The following MCFD2 variants were observed in gnomAD, a reference collection of about 807,000 sequenced individuals.
MCFD2 encodes multiple coagulation factor deficiency protein 2.
MCFD2 carries 11 observed loss-of-function variants against 12.8 expected under a neutral mutation model. The observed-to-expected ratio is 0.86, with a 90% CI of 0.54 to 1.42. The LOEUF is 1.42. Among genes scored for constraint, MCFD2 ranks in the 40% most tolerant of loss-of-function variants. MCFD2 has a pLI of 0.00. For synonymous variants in MCFD2, 70 were observed against 68.1 expected (o/e 1.03, Z -0.14); for missense variants, 191 against 178.6 (o/e 1.07, Z -0.40).
intron 1 of MCFD2, among the ~76,000 whole-genome samples, chr2:46,915,460 C>G (rs1398675726): frequency 6.6e-6 from 1 of 152,152 alleles, no homozygotes; most frequent in African/African-American, 2.4e-5. Context: ...TCCCACAGGC[C>G]GATCCTCGGG....
At chr2:46,917,426 A>T, upstream of MCFD2, 1 of 561,132 alleles carries the variant, frequency 1.8e-6, no homozygotes, top group Non-Finnish European at 3.1e-6. Context: ...CCATCTCTTC[A>T]TCCATTCATC....
upstream of MCFD2, among the ~76,000 whole-genome samples, chr2:46,919,983 A>G (rs1669015329): frequency 6.6e-6 from 1 of 152,186 alleles, no homozygotes; most frequent in African/African-American, 2.4e-5. Flanking sequence ...TGTGGTGTTA[A>G]AAGCTTGGAA....
At chr2:46,935,648 C>G (rs1228821136) in intron 1 of MCFD2, among the ~76,000 whole-genome samples, 4 of 152,192 alleles carry the variant, frequency 2.6e-5, no homozygotes, top group African/African-American at 9.7e-5. Flanking sequence ...AGTGATCCAA[C>G]TGAGACCTCC....
At chr2:46,911,976 T>G (rs1216674258) in intron 1 of MCFD2, among the ~76,000 whole-genome samples, 1 of 152,192 alleles carries the variant, frequency 6.6e-6, no homozygotes, top group East Asian at 1.9e-4. Flanking sequence ...TTCCGGTTAA[T>G]TCTTATCTCC....
Position 46,909,129 on chromosome 2 carries a change from G to T in MCFD2, c.43C>A (p.Leu15Met). 4 of 1,614,216 alleles carry T rather than the reference G, an allele frequency of 2.5e-6. No individual in the cohort carries two copies. Among genetic ancestry groups the T allele is most frequent in the Non-Finnish European group, 2.5e-6 (3 of 1,180,036 alleles). ...SLLRTPFLCGLLWAFCAPGAR... is the reference protein window; with the variant it reads ...SLLRTPFLCGMLWAFCAPGAR... The stretch of plus-strand genomic sequence containing the variant: ...CCTGGGGCACAAAAGGCCCAGAGCA[G>T]GCCACACAGGAAGGGGGTTCTGAGC... Residue 15 changes from leucine (L) to methionine (M), a missense_variant, in exon 2 of 4, where the codon CTG (leucine) becomes ATG (methionine). Coordinates refer to ENST00000319466, the MANE Select transcript of MCFD2 (RefSeq NM_139279.6).
chr2:46,908,620 G>C lies in MCFD2; in HGVS notation c.149+403C>G, dbSNP rs1396060096. 3.2e-6 allele frequency: 1 copy of C among 313,340 alleles called. No homozygotes were observed. Among genetic ancestry groups the C allele is most frequent in the African/African-American group, 2.2e-5 (1 of 45,954 alleles). The allele number at this position is 313,340 out of a possible 1,614,324, so 19.4% of individuals were successfully genotyped here. On this transcript the variant is annotated intron_variant, in intron 2 of 3. Transcript: ENST00000319466. This position sits in a 1 kb window ranked among gnomAD's most constrained non-coding sequence, Gnocchi z 4.5. ...TGAGGCTAACTGGCCCAAGACAAAA[G>C]CTGCAACAAATGATTCAATGTTTGA...
At chr2:46,934,704 C>T (rs1285786113) in intron 1 of MCFD2, among the ~76,000 whole-genome samples, 1 of 148,568 alleles carries the variant, frequency 6.7e-6, no homozygotes, top group East Asian at 2.0e-4. Context: ...AACAAACAAA[C>T]AAAAAAACCC....
At position 46,907,872 on chromosome 2, in the gene MCFD2, C is replaced by T; in HGVS notation, c.247G>A (p.Asp83Asn). Reference protein sequence around the residue: ...QLHYFKMHDYDGNNLLDGLEL... With the variant: ...QLHYFKMHDYNGNNLLDGLEL... ...AAGCCATCAAGCAAATTATTGCCAT[C>T]ATAATCATGCATTTTGAAGTAATGG... Residue 83 changes from aspartate to asparagine, a missense_variant, in exon 3 of 4, where the codon GAT (aspartate) becomes AAT (asparagine). By Grantham distance (23) the Asp-to-Asn change is conservative. Transcript: ENST00000319466. The surrounding 1 kb of genome is among the most constrained non-coding windows in gnomAD (Gnocchi z 4.1). The T allele has an allele frequency of 6.2e-7, 1 of 1,614,198 alleles. No homozygotes were observed. Among genetic ancestry groups the T allele is most frequent in the Non-Finnish European group, 8.5e-7 (1 of 1,180,030 alleles).
intron 1 of MCFD2, among the ~76,000 whole-genome samples, chr2:46,911,712 G>A (rs1328949276): frequency 6.6e-6 from 1 of 151,010 alleles, no homozygotes; most frequent in East Asian, 2.0e-4. Flanking sequence ...ACGAGGTCAG[G>A]AGATCGAGAC....
chr2:46,932,332 A>G (rs1669748178), intron 1 of MCFD2, among the ~76,000 whole-genome samples: 1 of 152,110 alleles, frequency 6.6e-6, no homozygotes, highest in African/African-American at 2.4e-5. Context: ...TATTTTTAGT[A>G]GAGATGGGGT....
upstream of MCFD2, among the ~76,000 whole-genome samples, chr2:46,919,286 G>A (rs1217465846): frequency 6.6e-6 from 1 of 152,238 alleles, no homozygotes; most frequent in African/African-American, 2.4e-5. Context: ...TGTAATCCCA[G>A]CACTTTGGGA....
chr2:46,938,561 C>T (rs946394074), intron 1 of MCFD2, among the ~76,000 whole-genome samples: 1 of 152,116 alleles, frequency 6.6e-6, no homozygotes, highest in African/African-American at 2.4e-5. Context: ...TTTTTTCCTT[C>T]TAGTCCCTGA....
intron 1 of MCFD2, among the ~76,000 whole-genome samples, chr2:46,935,001 A>C (rs1157177005): frequency 6.6e-6 from 1 of 151,564 alleles, no homozygotes; most frequent in African/African-American, 2.4e-5. Context: ...GGGTTTCATC[A>C]TGTTGGCCAG....
rs540965029 is a variant in MCFD2 at position 46,908,050 on chromosome 2, G to T, written c.150-81C>A. On this transcript the variant is annotated intron_variant, in intron 2 of 3. Coordinates refer to ENST00000319466, the MANE Select transcript of MCFD2 (RefSeq NM_139279.6). The surrounding 1 kb of genome is among the most constrained non-coding windows in gnomAD (Gnocchi z 4.5). ...ATCTTAAGGACTCTGAAAAGTTCAA[G>T]ATCTTAAACTTCCTCCAGCTCAGAA... is the stretch of plus-strand genomic sequence containing the variant. 1.7e-4 allele frequency: 253 copies of T among 1,503,024 alleles called. 1 individual carries two copies. In the African/African-American group the frequency reaches 2.8e-3, roughly 17 times the overall value. The allele number at this position is 1,503,024 out of a possible 1,614,324, so 93.1% of individuals were successfully genotyped here.
At position 46,905,269 on chromosome 2, in the gene MCFD2, G is replaced by A. The variant is rs1668170483; in HGVS notation, c.*194C>T. The A allele has an allele frequency of 3.1e-6, 2 of 639,482 alleles. No homozygotes were observed. The highest frequency in any genetic ancestry group is 5.7e-6 in the Non-Finnish European group (2 of 353,132). 39.6% of individuals were successfully genotyped at this position (639,482 alleles called of 1,614,324 possible). On this transcript the variant is annotated 3_prime_UTR_variant, in exon 4 of 4. Transcript: ENST00000319466. ...CAATAAGGTATTTAATAGCACTTAG[G>A]GACTATTAGATGTCCCATTTCTCTT...
At chr2:46,905,909 T>A (rs1668208449) in intron 3 of MCFD2, 1 of 499,186 alleles carries the variant, frequency 2.0e-6, no homozygotes, top group Non-Finnish European at 4.1e-6. Context: ...GCTTATTTGT[T>A]TCATTATGGC....
At chr2:46,936,570 C>T (rs942233883) in intron 1 of MCFD2, among the ~76,000 whole-genome samples, 1 of 152,208 alleles carries the variant, frequency 6.6e-6, no homozygotes, top group Non-Finnish European at 1.5e-5. Flanking sequence ...TCACCATTCG[C>T]AGACTCTCAT....
chr2:46,919,686 C>A (rs1024773508), upstream of MCFD2, among the ~76,000 whole-genome samples: 2 of 152,250 alleles, frequency 1.3e-5, no homozygotes, highest in Admixed American at 1.3e-4. Flanking sequence ...GTGGTAATCT[C>A]TGAACCCTGG....
chr2:46,932,350 T>C (rs1282707966), intron 1 of MCFD2, among the ~76,000 whole-genome samples: 1 of 152,148 alleles, frequency 6.6e-6, no homozygotes, highest in Non-Finnish European at 1.5e-5. Context: ...GGTTTCACCA[T>C]GTTGACCAGG....
Sources: allele counts gnomAD v4.1 joint callset (sites outside exome capture counted in the v4.1 genomes callset), GRCh38; gene constraint gnomAD v4.1.1; non-coding constraint Gnocchi (gnomAD v3.1); transcripts MANE v1.5; gene names NCBI Gene and HGNC (gene_info 2026-07-23, HGNC 2026-07-21).